Variants in WDR35 observed in about 807,000 individuals in gnomAD.
WDR35 encodes the protein WD repeat-containing protein 35.
In WDR35, 118 loss-of-function variants were observed where a neutral mutation model predicts 158.3. That is an observed-to-expected ratio of 0.75 (90% CI 0.64 to 0.87). The LOEUF (loss-of-function observed/expected upper bound fraction) is 0.87, where lower values mean the gene tolerates loss of function less well. Ranked by LOEUF, WDR35 falls within the 40% of genes least tolerant of loss-of-function variation. The pLI is 0.00. For synonymous variants in WDR35, 448 were observed against 476.1 expected (o/e 0.94, Z 0.77); for missense variants, 1,263 against 1,405.8 (o/e 0.90, Z 1.62).
In WDR35 at chr2:19,980,791, A is replaced by T. The variant is rs766344122; in HGVS notation, c.215-8T>A. 1 of 1,611,116 alleles carries T rather than the reference A, an allele frequency of 6.2e-7. No individual in the cohort carries two copies. Among genetic ancestry groups the T allele is most frequent in the South Asian group, 1.1e-5 (1 of 90,780 alleles). On this transcript the variant is annotated splice_polypyrimidine_tract_variant and splice_region_variant and intron_variant, in intron 3 of 26. Coordinates refer to ENST00000281405, the MANE Select transcript of WDR35 (RefSeq NM_020779.4). ...TTACAACTTGAACAGAACCTAGAAC[A>T]TTATAAAACAATTTAGAAACTTAAA... is the stretch of plus-strand genomic sequence containing the variant.
At chr2:19,956,172 T>C (rs1486857574) in intron 11 of WDR35, among the ~76,000 whole-genome samples, 60 of 152,230 alleles carry the variant, frequency 3.9e-4, no homozygotes, top group Non-Finnish European at 1.9e-4. Flanking sequence ...CTAATGCTGG[T>C]AACTATTATG....
At position 19,913,678 on chromosome 2, in the gene WDR35, G is replaced by A; in HGVS notation, c.3393C>T (p.Ala1131=). 1 of 1,613,990 alleles carries A rather than the reference G, an allele frequency of 6.2e-7. No individual in the cohort carries two copies. Among genetic ancestry groups the A allele is most frequent in the Non-Finnish European group, 8.5e-7 (1 of 1,179,964 alleles). The change falls in exon 27 of 27, where the codon GCC becomes GCT. Residue 1131 remains alanine, a synonymous_variant. Coordinates refer to ENST00000281405, the MANE Select transcript of WDR35 (RefSeq NM_020779.4). ...GATACTCAGTGATTGGGCTTCCTGT[G>A]GCAACGCATGTTGGCAGTTTCCCTT... ...GGEGKLPTCV[A]TGSPITEYQF...
At chr2:19,933,368 T>TTA in intron 22 of WDR35, 33 bp downstream of exon 22, 1 of 1,565,516 alleles carries the variant, frequency 6.4e-7, no homozygotes, top group Non-Finnish European at 8.8e-7. Flanking sequence ...CCTAAGACAA[T>TTA]AAGCTGCACA....
At chr2:19,921,885 A>G (rs1670178993) in intron 25 of WDR35, among the ~76,000 whole-genome samples, 2 of 152,240 alleles carry the variant, frequency 1.3e-5, no homozygotes, top group African/African-American at 4.8e-5. Context: ...AAAAAAACAA[A>G]TAACTCCATC....
At position 19,910,420 on chromosome 2, in the gene WDR35, T is replaced by C. The variant is rs1314644899; in HGVS notation, c.*3138A>G. The C allele has an allele frequency of 6.6e-6, 1 of 152,244 alleles. No individual in the cohort carries two copies. Among genetic ancestry groups the C allele is most frequent in the Non-Finnish European group, 1.5e-5 (1 of 68,050 alleles). The allele number at this position is 152,244 out of a possible 1,614,324, so 9.4% of individuals were successfully genotyped here. ...CATTTGTGAATTAAGCATGTCAACA[T>C]TACTGTGTTGCTTGTTAGGCACACT... On this transcript the variant is annotated 3_prime_UTR_variant, in exon 27 of 27. Coordinates refer to ENST00000281405, the MANE Select transcript of WDR35 (RefSeq NM_020779.4).
At chr2:19,989,385 G>A in intron 1 of WDR35, 103 bp from the exon 2 acceptor site, 2 of 1,065,336 alleles carry the variant, frequency 1.9e-6, no homozygotes, top group East Asian at 2.4e-5. Context: ...GAAGAAAAAC[G>A]AACGGCCTTG....
At chr2:19,974,698 C>A in intron 6 of WDR35, 65 bp from the exon 7 acceptor site, 1 of 1,447,780 alleles carries the variant, frequency 6.9e-7, no homozygotes, top group South Asian at 1.3e-5. Context: ...AGACAATACT[C>A]AATAGAGTAT....
At position 19,931,308 on chromosome 2, in the gene WDR35, C is replaced by T. The variant is rs747845595; in HGVS notation, c.2925G>A (p.Lys975=). 1.2e-5 allele frequency: 20 copies of T among 1,612,110 alleles called. No individual in the cohort carries two copies. Among genetic ancestry groups the T allele is most frequent in the Non-Finnish European group, 1.6e-5 (19 of 1,179,494 alleles). Reference sequence around the variant, plus strand: ...CTTTAACTTTTCCTCGCTGGGCATTCTTCATCTGTTCATGGTATTGCTCTA... The same window carrying T: ...CTTTAACTTTTCCTCGCTGGGCATTTTTCATCTGTTCATGGTATTGCTCTA... ...LLIEQYHEQM[K]NAQRGKVKGK... The change falls in exon 24 of 27, where the codon AAG becomes AAA. Residue 975 remains lysine, a synonymous_variant. Coordinates refer to ENST00000281405, the MANE Select transcript of WDR35 (RefSeq NM_020779.4).
At position 19,969,587 on chromosome 2, in the gene WDR35, C is replaced by T. The variant is rs1176264484; in HGVS notation, c.901G>A (p.Val301Ile). 6.2e-7 allele frequency: 1 copy of T among 1,613,840 alleles called. No individual in the cohort carries two copies. The change falls in exon 9 of 27, where the codon GTT (valine) becomes ATT (isoleucine). Residue 301 changes from valine to isoleucine, a missense_variant. Coordinates refer to ENST00000281405, the MANE Select transcript of WDR35 (RefSeq NM_020779.4). ...AGTGCAGATATTTCCTTTCCAGGAA[C>T]TTTCAAAGTACCCAGATGCTGAAAA... ...PFGEHLGTLK[V>I]PGKEISALSW...
chr2:19,932,528 G>C, intron 22 of WDR35, 81 bp from the exon 23 acceptor site: 2 of 1,557,788 alleles, frequency 1.3e-6, no homozygotes, highest in Non-Finnish European at 1.8e-6. Context: ...AAAGCTTTAA[G>C]TTTATAGTAA....
chr2:19,956,474 T>C (rs1671436505), intron 11 of WDR35, among the ~76,000 whole-genome samples: 1 of 152,196 alleles, frequency 6.6e-6, no homozygotes, highest in African/African-American at 2.4e-5. Flanking sequence ...GTTCTCTCAG[T>C]TTACTTACTG....
At position 19,956,175 on chromosome 2, in the gene WDR35, C is replaced by T. The variant is rs554816695; in HGVS notation, c.1256-2197G>A. Among the ~76,000 whole-genome samples the T allele has an allele frequency of 1.2e-4, 18 of 152,296 alleles. No homozygotes were observed. The South Asian group carries it at 1.9e-3, about 16-fold the overall frequency. The stretch of plus-strand genomic sequence containing the variant: ...ACCATGGATACTCTAATGCTGGTAA[C>T]TATTATGCCCTTAGTGTAATTTGAA... On this transcript the variant is annotated intron_variant, in intron 11 of 26. Transcript: ENST00000281405.
chr2:19,912,397 A>G lies in WDR35; in HGVS notation c.*1161T>C, dbSNP rs1308290915. The G allele has an allele frequency of 1.3e-5, 2 of 152,176 alleles. No homozygotes were observed. The highest frequency in any genetic ancestry group is 2.4e-5 in the African/African-American group (1 of 41,442). The allele number at this position is 152,176 out of a possible 1,614,324, so 9.4% of individuals were successfully genotyped here. A position where few individuals can be genotyped will look rare whatever the true frequency, so the allele number is the denominator to read the frequency against. Reference sequence around the variant, plus strand: ...TGGTCTTCTCTTTTTATTTAGGCCAATGAGCCCACTCTCTATCCTAAGCTC... The same window carrying G: ...TGGTCTTCTCTTTTTATTTAGGCCAGTGAGCCCACTCTCTATCCTAAGCTC... On this transcript the variant is annotated 3_prime_UTR_variant, in exon 27 of 27. Coordinates refer to ENST00000281405, the MANE Select transcript of WDR35 (RefSeq NM_020779.4).
At chr2:19,930,751 T>C (rs1225105200) in intron 24 of WDR35, among the ~76,000 whole-genome samples, 199 bp from the exon 25 acceptor site, 2 of 152,178 alleles carry the variant, frequency 1.3e-5, no homozygotes, top group Admixed American at 1.3e-4. Flanking sequence ...CATAGCTCAC[T>C]GCAGTCTCAA....
intron 19 of WDR35, among the ~76,000 whole-genome samples, chr2:19,937,519 A>G (rs1670735585): frequency 2.0e-5 from 3 of 152,198 alleles, no homozygotes; most frequent in South Asian, 4.1e-4. Context: ...AACCTCCCAG[A>G]GTCAGCCATT....
chr2:19,979,607 C>T (rs1419807058), intron 4 of WDR35, among the ~76,000 whole-genome samples: 1 of 152,170 alleles, frequency 6.6e-6, no homozygotes, highest in African/African-American at 2.4e-5. Context: ...GACATACCAA[C>T]ATGGGCAACT....
At chr2:19,932,164 C>T (rs540097269) in intron 23 of WDR35, 119 bp downstream of exon 23, 2 of 1,307,506 alleles carry the variant, frequency 1.5e-6, no homozygotes, top group East Asian at 4.9e-5. Context: ...AGCAATAAAA[C>T]CAGAGTGGTT....
At chr2:19,977,366 C>G (rs946961602) in intron 5 of WDR35, among the ~76,000 whole-genome samples, 12 of 152,180 alleles carry the variant, frequency 7.9e-5, no homozygotes, top group Non-Finnish European at 1.8e-4. Context: ...ATCAATCTTT[C>G]TCCACACTAT....
chr2:19,940,752 C>A (rs1670846716), intron 17 of WDR35, among the ~76,000 whole-genome samples: 1 of 152,192 alleles, frequency 6.6e-6, no homozygotes, highest in Admixed American at 6.5e-5. Context: ...CCCAGACCCA[C>A]TCCCTAACTA....
Sources: allele counts gnomAD v4.1 joint callset (sites outside exome capture counted in the v4.1 genomes callset), GRCh38; gene constraint gnomAD v4.1.1; transcripts MANE v1.5; gene names NCBI Gene and HGNC (gene_info 2026-07-23, HGNC 2026-07-21).